UST: variants seen among roughly 807,000 people sequenced by gnomAD.
The protein encoded by UST is chondroitin sulfate 2-O-sulfotransferase.
A neutral mutation model predicts 45.6 loss-of-function variants in UST; 21 were observed. The ratio of observed to expected loss-of-function variants is 0.46; its 90% CI spans 0.33 to 0.66. The LOEUF (loss-of-function observed/expected upper bound fraction) is 0.66. Among genes scored for constraint, UST ranks in the 30% least tolerant of loss-of-function variants. UST has a pLI of 0.02. For synonymous variants in UST, 215 were observed against 200.6 expected (o/e 1.07, Z -0.61); for missense variants, 463 against 512.4 (o/e 0.90, Z 0.93).
Position 148,891,744 on chromosome 6 carries a change from A to G in UST, c.291+4715A>G, listed in dbSNP as rs79034435. Among the ~76,000 whole-genome samples, 906 of 152,368 alleles carry G rather than the reference A, an allele frequency of 5.9e-3. 10 individuals carry two copies. The highest frequency in any genetic ancestry group is 0.02 in the African/African-American group (835 of 41,590). On this transcript the variant is annotated intron_variant, in intron 2 of 7. Transcript: ENST00000367463. The stretch of plus-strand genomic sequence containing the variant: ...TAAGCAATCTGGTACATTGATTAGT[A>G]TAATACACAAATTTTAACCTTCAGT...
At chr6:148,850,892 C>T (rs1778091405) in intron 1 of UST, among the ~76,000 whole-genome samples, 2 of 152,326 alleles carry the variant, frequency 1.3e-5, no homozygotes, top group Middle Eastern at 3.4e-3. Flanking sequence ...GTTGTATCAT[C>T]TGTGGTCTTT....
chr6:148,873,982 A>T (rs1778604806), intron 1 of UST, among the ~76,000 whole-genome samples: 1 of 152,272 alleles, frequency 6.6e-6, no homozygotes, highest in Non-Finnish European at 1.5e-5. Flanking sequence ...TGGCAGCCAC[A>T]TGACATCTAG....
At chr6:148,883,160 T>C (rs1778854796) in intron 1 of UST, among the ~76,000 whole-genome samples, 1 of 152,234 alleles carries the variant, frequency 6.6e-6, no homozygotes, top group South Asian at 2.1e-4. Flanking sequence ...AGAAAAGAGA[T>C]AGAATTGACC....
At chr6:148,973,122 C>A (rs1046749324) in intron 5 of UST, among the ~76,000 whole-genome samples, 4 of 152,138 alleles carry the variant, frequency 2.6e-5, no homozygotes, top group Non-Finnish European at 4.4e-5. Flanking sequence ...TTGGCATATG[C>A]AAATAAATGT....
At chr6:148,870,470 A>G (rs1778529040) in intron 1 of UST, among the ~76,000 whole-genome samples, 1 of 152,192 alleles carries the variant, frequency 6.6e-6, no homozygotes, top group Non-Finnish European at 1.5e-5. Flanking sequence ...CAAGTCGTAA[A>G]CACATCTTTA....
chr6:148,947,712 C>T, intron 3 of UST, among the ~76,000 whole-genome samples: 1 of 152,156 alleles, frequency 6.6e-6, no homozygotes, highest in East Asian at 1.9e-4. Context: ...GGAAAAGCCT[C>T]GCTTAGAATG....
chr6:148,953,975 G>T, intron 4 of UST, 24 bp downstream of exon 4: 2 of 1,553,404 alleles, frequency 1.3e-6, no homozygotes, highest in Non-Finnish European at 1.8e-6. Context: ...CAGTTTAATG[G>T]TTCTTTCATT....
At chr6:148,939,845 C>T (rs1163270462) in intron 2 of UST, among the ~76,000 whole-genome samples, 1 of 152,018 alleles carries the variant, frequency 6.6e-6, no homozygotes, top group East Asian at 1.9e-4. Context: ...ACCAAAACAA[C>T]CAGAGAAAAT....
intron 7 of UST, among the ~76,000 whole-genome samples, chr6:149,051,962 T>G (rs1191101108): frequency 6.6e-6 from 1 of 152,196 alleles, no homozygotes; most frequent in Non-Finnish European, 1.5e-5. Context: ...TTTTTGACAT[T>G]TTTACAGAAT....
intron 7 of UST, among the ~76,000 whole-genome samples, chr6:149,058,475 G>A (rs1272950244): frequency 6.6e-6 from 1 of 151,716 alleles, no homozygotes; most frequent in East Asian, 1.9e-4. Context: ...ATGAGGAGTA[G>A]AGAAAAAGAA....
intron 2 of UST, among the ~76,000 whole-genome samples, chr6:148,903,738 ACT>A (rs1433181068): frequency 1.3e-5 from 2 of 152,062 alleles, no homozygotes; most frequent in East Asian, 3.8e-4. Context: ...TATGCAGGTG[ACT>A]CTAATATTTT....
At chr6:149,068,828 G>A (rs556610880) in intron 7 of UST, among the ~76,000 whole-genome samples, 5 of 152,222 alleles carry the variant, frequency 3.3e-5, no homozygotes, top group African/African-American at 1.2e-4. Context: ...TATGGAGCAT[G>A]AGAACTTACA....
intron 5 of UST, among the ~76,000 whole-genome samples, chr6:149,000,322 A>ATG (rs1781523699): frequency 6.6e-6 from 1 of 152,204 alleles, no homozygotes. Context: ...TTGTAAGCAA[A>ATG]TGTGTAATAT....
intron 1 of UST, among the ~76,000 whole-genome samples, chr6:148,795,146 A>G (rs1240112138): frequency 6.6e-6 from 1 of 152,144 alleles, no homozygotes; most frequent in Non-Finnish European, 1.5e-5. Context: ...TATGTTTTTC[A>G]TCATGGAAAA....
intron 7 of UST, among the ~76,000 whole-genome samples, chr6:149,058,805 C>T (rs1458570849): frequency 6.6e-6 from 1 of 152,100 alleles, no homozygotes; most frequent in Non-Finnish European, 1.5e-5. Flanking sequence ...GAAATATCTG[C>T]TTCAATTGTT....
intron 3 of UST, 117 bp downstream of exon 3, chr6:148,941,551 T>A (rs912975507): frequency 8.1e-7 from 1 of 1,229,536 alleles, no homozygotes; most frequent in African/African-American, 1.5e-5. Flanking sequence ...GAGTTTTGAT[T>A]TCATGCTGTA....
chr6:149,036,342 C>T (rs558752410), intron 7 of UST, among the ~76,000 whole-genome samples: 5 of 152,346 alleles, frequency 3.3e-5, no homozygotes, highest in African/African-American at 4.8e-5. Flanking sequence ...AGACTCTCTT[C>T]GTCTGCTTTG....
At chr6:148,938,803 A>G (rs1454222963) in intron 2 of UST, among the ~76,000 whole-genome samples, 1 of 151,214 alleles carries the variant, frequency 6.6e-6, no homozygotes, top group East Asian at 1.9e-4. Flanking sequence ...ATATAATATT[A>G]TATCAAAATA....
At chr6:148,813,407 A>G (rs553416237) in intron 1 of UST, among the ~76,000 whole-genome samples, 2 of 150,428 alleles carry the variant, frequency 1.3e-5, no homozygotes, top group South Asian at 4.2e-4. Flanking sequence ...TTTGAGACAG[A>G]GTCTTGCTCT....
Sources: gnomAD v4.1 joint callset for allele counts (sites outside exome capture counted in the v4.1 genomes callset) on GRCh38, gnomAD v4.1.1 for gene constraint, MANE v1.5 for transcripts, NCBI Gene and HGNC (gene_info 2026-07-23, HGNC 2026-07-21) for gene names.